CFAP299: variants seen among roughly 807,000 people sequenced by gnomAD.
CFAP299 encodes cilia- and flagella-associated protein 299.
A neutral mutation model predicts 27.0 loss-of-function variants in CFAP299; 21 were observed. That is an observed-to-expected ratio of 0.78 (90% CI 0.55 to 1.12). The LOEUF is 1.12. Ranked by LOEUF, CFAP299 falls within the 50% of genes most tolerant of loss-of-function variation. CFAP299 has a pLI of 0.00. For synonymous variants in CFAP299, 104 were observed against 98.1 expected, an observed-to-expected ratio of 1.06 and a Z score of -0.36; for missense variants, 310 against 276.6, an observed-to-expected ratio of 1.12 and a Z score of -0.86.
intron 3 of CFAP299, among the ~76,000 whole-genome samples, chr4:80,831,403 C>A (rs1730292926): frequency 6.6e-6 from 1 of 152,076 alleles, no homozygotes; most frequent in Non-Finnish European, 1.5e-5. Context: ...CCATACTTCA[C>A]CCCCATGTAG....
intron 1 of CFAP299, among the ~76,000 whole-genome samples, chr4:80,351,219 C>A (rs539075512): frequency 6.6e-6 from 1 of 152,012 alleles, no homozygotes; most frequent in South Asian, 2.1e-4. Flanking sequence ...ACCAGAAATG[C>A]TAAATATGTG....
At chr4:80,505,943 C>A (rs1370094151) in intron 2 of CFAP299, among the ~76,000 whole-genome samples, 3 of 151,642 alleles carry the variant, frequency 2.0e-5, no homozygotes, top group Non-Finnish European at 4.4e-5. Flanking sequence ...ACGCTGTAGT[C>A]TGGGCAACAC....
intron 2 of CFAP299, among the ~76,000 whole-genome samples, chr4:80,571,979 T>G (rs972294024): frequency 6.6e-6 from 1 of 152,214 alleles, no homozygotes; most frequent in African/African-American, 2.4e-5. Context: ...AGAGAAGGAA[T>G]GTAAAGATTC....
chr4:80,581,120 G>T lies in CFAP299; in HGVS notation c.243-1973G>T, dbSNP rs146597369. On this transcript the variant is annotated intron_variant, in intron 2 of 5. Coordinates refer to ENST00000358105, the MANE Select transcript of CFAP299 (RefSeq NM_152770.3). ...GAATTCTCTGTTCAAATTTCACAGA[G>T]AATTTCCAACAGACTGTGGTTTTTA... is the stretch of plus-strand genomic sequence containing the variant. 1.4e-3 allele frequency among the ~76,000 whole-genome samples: 213 copies of T among 151,858 alleles called. 1 individual carries two copies. Among genetic ancestry groups the T allele is most frequent in the African/African-American group, 5.0e-3 (209 of 41,470 alleles).
chr4:80,383,675 A>G (rs1724823679), intron 2 of CFAP299, among the ~76,000 whole-genome samples: 1 of 152,202 alleles, frequency 6.6e-6, no homozygotes. Context: ...TTGCTGTTTA[A>G]GAAAAAAGCA....
intron 4 of CFAP299, among the ~76,000 whole-genome samples, chr4:80,919,795 A>T (rs1445346251): frequency 6.6e-6 from 1 of 152,078 alleles, no homozygotes; most frequent in Non-Finnish European, 1.5e-5. Flanking sequence ...AATCAAAGAG[A>T]GCACTAATTT....
At chr4:80,544,190 GA>G (rs1368264008) in intron 2 of CFAP299, among the ~76,000 whole-genome samples, 1 of 152,136 alleles carries the variant, frequency 6.6e-6, no homozygotes, top group African/African-American at 2.4e-5. Context: ...TGCTTTACAA[GA>G]AGTCATAAAG....
At chr4:80,835,771 C>CA (rs1730531525) in intron 3 of CFAP299, among the ~76,000 whole-genome samples, 1 of 152,162 alleles carries the variant, frequency 6.6e-6, no homozygotes, top group Non-Finnish European at 1.5e-5. Context: ...TCCTCCAGAA[C>CA]TGTGAGAGAA....
intron 4 of CFAP299, among the ~76,000 whole-genome samples, chr4:80,911,615 G>A (rs147786071): frequency 1.3e-4 from 20 of 152,136 alleles, no homozygotes; most frequent in African/African-American, 2.4e-4. Context: ...GAAAAAATCT[G>A]GCTGGAATAA....
intron 4 of CFAP299, among the ~76,000 whole-genome samples, chr4:80,899,806 C>T (rs748820498): frequency 2.0e-4 from 31 of 152,202 alleles, no homozygotes; most frequent in Admixed American, 1.6e-3. Flanking sequence ...CTCTCTCTGC[C>T]TCATTTGTCC....
At position 80,477,438 on chromosome 4, in the gene CFAP299, C is replaced by G. The variant is rs141057020; in HGVS notation, c.243-105655C>G. Among the ~76,000 whole-genome samples, 218 of 152,270 alleles carry G rather than the reference C, an allele frequency of 1.4e-3. 3 individuals carry two copies. Among genetic ancestry groups the G allele is most frequent in the African/African-American group, 5.1e-3 (211 of 41,558 alleles). Reference sequence around the variant, plus strand: ...CTTTATCCCTATGCCTGTCGCAACTCTTGGTCATTCAGTATTCATGGAGAT... The same window carrying G: ...CTTTATCCCTATGCCTGTCGCAACTGTTGGTCATTCAGTATTCATGGAGAT... On this transcript the variant is annotated intron_variant, in intron 2 of 5. Transcript: ENST00000358105.
rs994857132 is a variant in CFAP299 at position 80,637,658 on chromosome 4, T to A, written c.333+54475T>A. On this transcript the variant is annotated intron_variant, in intron 3 of 5. Transcript: ENST00000358105. The stretch of plus-strand genomic sequence containing the variant: ...CCCAAATGAGAATACAAGGTTGACA[T>A]GAAAGATGCAAACATGTAAGGTAGT... Among the ~76,000 whole-genome samples, 4 of 152,148 alleles carry A rather than the reference T, an allele frequency of 2.6e-5. No individual in the cohort carries two copies. The East Asian group carries it at 7.7e-4, about 29-fold the overall frequency.
chr4:80,498,035 T>C (rs888890189), intron 2 of CFAP299, among the ~76,000 whole-genome samples: 1 of 152,106 alleles, frequency 6.6e-6, no homozygotes, highest in African/African-American at 2.4e-5. Flanking sequence ...TAAACGGTGC[T>C]AGCTATATGC....
rs145587119 is a variant in CFAP299 at position 80,372,817 on chromosome 4, C to T, written c.242+9933C>T. Among the ~76,000 whole-genome samples the T allele has an allele frequency of 3.4e-3, 523 of 152,164 alleles. 4 individuals carry two copies. Among genetic ancestry groups the T allele is most frequent in the African/African-American group, 0.011 (468 of 41,514 alleles). ...GAGGACAGGAGAATAAACATAACCC[C>T]GAGACAAAATTGTAAATACATGTTA... On this transcript the variant is annotated intron_variant, in intron 2 of 5. Coordinates refer to ENST00000358105, the MANE Select transcript of CFAP299 (RefSeq NM_152770.3).
chr4:80,958,706 T>C (rs1406723646), intron 5 of CFAP299, among the ~76,000 whole-genome samples: 1 of 152,230 alleles, frequency 6.6e-6, no homozygotes, highest in Non-Finnish European at 1.5e-5. Flanking sequence ...CCTACTCTGC[T>C]GAATCTTGTG....
intron 2 of CFAP299, among the ~76,000 whole-genome samples, chr4:80,481,018 T>C (rs550137201): frequency 1.3e-5 from 2 of 152,128 alleles, no homozygotes; most frequent in East Asian, 3.9e-4. Context: ...TTTTATACCA[T>C]TTATCGCTGT....
In CFAP299 at chr4:80,724,881, T is replaced by TTTTC. The variant is rs368826847; in HGVS notation, c.333+141718_333+141721dup. 6.9e-3 allele frequency among the ~76,000 whole-genome samples: 1,034 copies of TTTTC among 149,188 alleles called. 9 individuals are homozygous for TTTTC. The highest frequency in any genetic ancestry group is 0.023 in the African/African-American group (937 of 40,220). ...TCCTTTCCTTCCTTCTTTCCTTTCT[T>TTTTC]TTTCTTTCTTTCTTTCTTTCTTTTT... On this transcript the variant is annotated intron_variant, in intron 3 of 5. Coordinates refer to ENST00000358105, the MANE Select transcript of CFAP299 (RefSeq NM_152770.3).
At chr4:80,703,464 T>C (rs568650479) in intron 3 of CFAP299, among the ~76,000 whole-genome samples, 1 of 151,828 alleles carries the variant, frequency 6.6e-6, no homozygotes, top group South Asian at 2.1e-4. Context: ...GGCAGAAGTG[T>C]ACAGTAACAA....
At chr4:80,886,702 C>A (rs2110181630) in intron 4 of CFAP299, among the ~76,000 whole-genome samples, 1 of 152,106 alleles carries the variant, frequency 6.6e-6, no homozygotes, top group Admixed American at 6.5e-5. Context: ...TCAAACCATC[C>A]AGGAACACGT....
Sources: gnomAD v4.1 joint callset for allele counts (sites outside exome capture counted in the v4.1 genomes callset) on GRCh38, gnomAD v4.1.1 for gene constraint, MANE v1.5 for transcripts, NCBI Gene and HGNC (gene_info 2026-07-23, HGNC 2026-07-21) for gene names.